Variants in SH3RF3 observed in about 807,000 individuals in gnomAD.
SH3RF3 encodes the protein SH3 domain containing ring finger 3.
In SH3RF3, 29 loss-of-function variants were observed where a neutral mutation model predicts 66.3. The ratio of observed to expected loss-of-function variants is 0.44; its 90% confidence interval spans 0.33 to 0.60. SH3RF3 has a LOEUF of 0.60. Among genes scored for constraint, SH3RF3 ranks in the 20% least tolerant of loss-of-function variants. The pLI is 0.04. For synonymous variants in SH3RF3, 583 were observed against 532.0 expected, an observed-to-expected ratio of 1.10 and a Z score of -1.32; for missense variants, 1,194 against 1,190.9, an observed-to-expected ratio of 1.00 and a Z score of -0.04.
intron 1 of SH3RF3, among the ~76,000 whole-genome samples, chr2:109,237,265 A>G (rs977718741): frequency 2.6e-5 from 4 of 152,242 alleles, no homozygotes; most frequent in African/African-American, 4.8e-5. Flanking sequence ...GGAACTGACA[A>G]TAATTAATGT....
chr2:109,458,776 C>G (rs1573268878), intron 8 of SH3RF3, among the ~76,000 whole-genome samples: 1 of 152,296 alleles, frequency 6.6e-6, no homozygotes, highest in East Asian at 1.9e-4. Flanking sequence ...TTGGGCGAGG[C>G]CCACCCACAT....
At chr2:109,223,210 C>T (rs1679294684) in intron 1 of SH3RF3, among the ~76,000 whole-genome samples, 1 of 152,198 alleles carries the variant, frequency 6.6e-6, no homozygotes, top group Non-Finnish European at 1.5e-5. Flanking sequence ...TCCCCCTTTG[C>T]TGCCGTCCCA....
intron 1 of SH3RF3, among the ~76,000 whole-genome samples, chr2:109,296,284 A>G (rs534663765): frequency 2.0e-5 from 3 of 151,954 alleles, no homozygotes; most frequent in Admixed American, 6.6e-5. Context: ...CTGGAGTGCA[A>G]TGGTGCTATC....
chr2:109,323,700 G>A (rs1682083877), intron 1 of SH3RF3, among the ~76,000 whole-genome samples: 1 of 152,202 alleles, frequency 6.6e-6, no homozygotes, highest in Non-Finnish European at 1.5e-5. Flanking sequence ...ATAAGGTGAA[G>A]GTGGCCTGCT....
intron 1 of SH3RF3, among the ~76,000 whole-genome samples, chr2:109,343,188 G>A (rs1271878777): frequency 6.6e-6 from 1 of 152,106 alleles, no homozygotes; most frequent in Non-Finnish European, 1.5e-5. Flanking sequence ...CCCCATAATA[G>A]CATCTGCCTG....
intron 8 of SH3RF3, among the ~76,000 whole-genome samples, chr2:109,450,249 G>A (rs575490841): frequency 6.6e-6 from 1 of 152,256 alleles, no homozygotes; most frequent in African/African-American, 2.4e-5. Context: ...AGGAGGCTGA[G>A]GCAGGAGAAT....
chr2:109,494,488 CG>C (rs200714823), intron 9 of SH3RF3, among the ~76,000 whole-genome samples: 9,016 of 152,236 alleles, frequency 0.059, 351 homozygotes, highest in East Asian at 0.23. Flanking sequence ...GCTGACTCCT[CG>C]GGCTGGGACA....
At chr2:109,308,095 A>G (rs945154634) in intron 1 of SH3RF3, among the ~76,000 whole-genome samples, 3 of 145,766 alleles carry the variant, frequency 2.1e-5, no homozygotes, top group African/African-American at 8.0e-5. Context: ...TTGTTTCCTG[A>G]CTTTTTAATG....
At chr2:109,211,445 G>T (rs1310659590) in intron 1 of SH3RF3, among the ~76,000 whole-genome samples, 1 of 152,224 alleles carries the variant, frequency 6.6e-6, no homozygotes, top group Non-Finnish European at 1.5e-5. Flanking sequence ...GGAGCGGAAG[G>T]AGTAGGGGCC....
At chr2:109,165,363 C>T (rs533866132) in intron 1 of SH3RF3, among the ~76,000 whole-genome samples, 73 of 152,224 alleles carry the variant, frequency 4.8e-4, no homozygotes, top group African/African-American at 1.6e-3. Context: ...GAGATGTTGG[C>T]GGATGCTGTC....
intron 1 of SH3RF3, among the ~76,000 whole-genome samples, chr2:109,175,064 A>G (rs1677884982): frequency 6.6e-6 from 1 of 151,168 alleles, no homozygotes; most frequent in African/African-American, 2.4e-5. Context: ...AAAATCCCAT[A>G]TTTAAATGAT....
chr2:109,438,345 T>G (rs1677469631), intron 7 of SH3RF3, among the ~76,000 whole-genome samples: 1 of 152,048 alleles, frequency 6.6e-6, no homozygotes, highest in African/African-American at 2.4e-5. Context: ...AGGTATAGGG[T>G]GAACTTTGGG....
intron 1 of SH3RF3, among the ~76,000 whole-genome samples, chr2:109,144,711 C>A (rs1377203633): frequency 1.3e-5 from 2 of 152,258 alleles, no homozygotes; most frequent in African/African-American, 4.8e-5. Context: ...GGGCCACTCC[C>A]AGGCCCACCT....
chr2:109,264,337 C>A (rs1284348956), intron 1 of SH3RF3, among the ~76,000 whole-genome samples: 2 of 148,206 alleles, frequency 1.3e-5, no homozygotes, highest in Non-Finnish European at 3.0e-5. Flanking sequence ...GTTCACCTCC[C>A]CAGGATCCAC....
chr2:109,180,422 G>A (rs1453528212), intron 1 of SH3RF3, among the ~76,000 whole-genome samples: 1 of 152,212 alleles, frequency 6.6e-6, no homozygotes, highest in Non-Finnish European at 1.5e-5. Context: ...GCTAGCCAAT[G>A]AACTGGCTCC....
At position 109,419,597 on chromosome 2, in the gene SH3RF3, C is replaced by T. The variant is rs1271641339; in HGVS notation, c.1358C>T (p.Ser453Phe). The T allele has an allele frequency of 6.3e-7, 1 of 1,596,548 alleles. No individual in the cohort carries two copies. The highest frequency in any genetic ancestry group is 1.7e-5 in the Admixed American group (1 of 57,658). Residue 453 changes from serine to phenylalanine, a missense_variant, in exon 5 of 10, where the codon TCT becomes TTT. Physicochemically the swap from Ser to Phe is radical, Grantham distance 155. Transcript: ENST00000309415. ...PTAVPRAASVSGEQGTPPKVQ... is the reference protein window; with the variant it reads ...PTAVPRAASVFGEQGTPPKVQ... The stretch of plus-strand genomic sequence containing the variant: ...GCTGTCCCACGGGCTGCCTCGGTGT[C>T]TGGAGAGCAGGGCACGCCTCCCAAG...
chr2:109,135,737 G>A (rs1287379779), intron 1 of SH3RF3, among the ~76,000 whole-genome samples: 1 of 152,156 alleles, frequency 6.6e-6, no homozygotes, highest in Non-Finnish European at 1.5e-5. Flanking sequence ...CCATGTTGTG[G>A]AAACTGGATC....
At chr2:109,281,216 C>T (rs2105342701) in intron 1 of SH3RF3, among the ~76,000 whole-genome samples, 1 of 152,366 alleles carries the variant, frequency 6.6e-6, no homozygotes, top group Middle Eastern at 3.4e-3. Context: ...CAGCTTCTGC[C>T]CTGGGCTGCT....
At chr2:109,135,987 G>A (rs1440521134) in intron 1 of SH3RF3, among the ~76,000 whole-genome samples, 8 of 152,124 alleles carry the variant, frequency 5.3e-5, no homozygotes, top group East Asian at 3.8e-4. Context: ...GCCCACCTCC[G>A]TCATCCGTAG....
Sources: gnomAD v4.1 joint callset for allele counts (sites outside exome capture counted in the v4.1 genomes callset) on GRCh38, gnomAD v4.1.1 for gene constraint, MANE v1.5 for transcripts, NCBI Gene and HGNC (gene_info 2026-07-23, HGNC 2026-07-21) for gene names.